LRIT1: variants seen among roughly 807,000 people sequenced by gnomAD.
The protein encoded by LRIT1 is leucine-rich repeat, immunoglobulin-like domain and transmembrane domain-containing protein 1.
In LRIT1, 23 loss-of-function variants were observed where a neutral mutation model predicts 24.0. The observed-to-expected ratio is 0.96, with a 90% confidence interval of 0.69 to 1.36. LRIT1 has a LOEUF of 1.36. Ranked by LOEUF, LRIT1 falls within the 40% of genes most tolerant of loss-of-function variation. LRIT1 has a pLI of 0.00. For missense variants in LRIT1, 846 were observed against 806.3 expected (o/e 1.05, Z -0.60); for synonymous variants, 361 against 340.5 (o/e 1.06, Z -0.66).
At chr10:84,237,872 G>C (rs1481322321) in intron 1 of LRIT1, among the ~76,000 whole-genome samples, 186 bp from the exon 2 acceptor site, 1 of 152,178 alleles carries the variant, frequency 6.6e-6, no homozygotes, top group Non-Finnish European at 1.5e-5. Flanking sequence ...CCTTTGCAGA[G>C]GTCTTGCTCT....
At position 84,237,283 on chromosome 10, in the gene LRIT1, C is replaced by G. The variant is rs149785594; in HGVS notation, c.526G>C (p.Val176Leu). The G allele has an allele frequency of 6.4e-7, 1 of 1,550,966 alleles. No homozygotes were observed. Residue 176 changes from valine to leucine, a missense_variant, in exon 2 of 4, where the codon GTC (valine) becomes CTC (leucine). By Grantham distance (32) the Val-to-Leu change is conservative (BLOSUM62 1). Coordinates refer to ENST00000372105, the MANE Select transcript of LRIT1 (RefSeq NM_015613.3). Reference protein sequence around the residue: ...QLMRLPQELIVSWAHLETGIF... With the variant: ...QLMRLPQELILSWAHLETGIF... Reference sequence around the variant, plus strand: ...CCGGTCTCCAGGTGAGCCCAGGAGACGATGAGCTCCTGCGGGAGCCTCATC... The same window carrying G: ...CCGGTCTCCAGGTGAGCCCAGGAGAGGATGAGCTCCTGCGGGAGCCTCATC...
In LRIT1 at chr10:84,232,820, T is replaced by C. The variant is rs1842615017; in HGVS notation, c.979A>G (p.Ile327Val). Residue 327 changes from isoleucine (I) to valine (V), a missense_variant, in exon 4 of 4, where the codon ATC (isoleucine) becomes GTC (valine). Coordinates refer to ENST00000372105, the MANE Select transcript of LRIT1 (RefSeq NM_015613.3). The part of the protein sequence containing the change: ...AVSHLDSGDY[I>V]CQAKNFLGAS... ...CCCAGGAAGTTCTTGGCTTGGCAGA[T>C]GTAGTCTCCGGAGTCAAGGTGGGAC... The C allele has an allele frequency of 1.2e-6, 2 of 1,613,424 alleles. No individual in the cohort carries two copies. The highest frequency in any genetic ancestry group is 1.7e-6 in the Non-Finnish European group (2 of 1,180,028).
chr10:84,237,640 T>G lies in LRIT1; in HGVS notation c.169A>C (p.Ile57Leu). Residue 57 changes from isoleucine (I) to leucine (L), a missense_variant, in exon 2 of 4, where the codon ATC becomes CTC. By Grantham distance (5) the Ile-to-Leu change is conservative. Coordinates refer to ENST00000372105, the MANE Select transcript of LRIT1 (RefSeq NM_015613.3). ...CGCAGTCTGGAGGTGTCCGGGGGGA[T>G]GGACGCCGGGGGCAGGGTCATGTCG... ...DPDMTLPPAS[I>L]PPDTSRLRLE... The G allele has an allele frequency of 6.2e-7, 1 of 1,605,706 alleles. No homozygotes were observed.
chr10:84,237,532 T>G lies in LRIT1; in HGVS notation c.277A>C (p.Asn93His). ...GRLEQLWLPY[N>H]ALSELNALML... ...AGGGCGTTGAGCTCGCTGAGGGCGT[T>G]GTAAGGCAGCCACAGCTGCTCCAGG... Residue 93 changes from asparagine (N) to histidine (H), a missense_variant, in exon 2 of 4, where the codon AAC (asparagine) becomes CAC (histidine). Asn to His is a moderately conservative substitution (Grantham distance 68, BLOSUM62 1). Coordinates refer to ENST00000372105, the MANE Select transcript of LRIT1 (RefSeq NM_015613.3). 2 of 1,605,264 alleles carry G rather than the reference T, an allele frequency of 1.2e-6. No homozygotes were observed. Among genetic ancestry groups the G allele is most frequent in the Non-Finnish European group, 1.7e-6 (2 of 1,179,462 alleles).
intron 3 of LRIT1, among the ~76,000 whole-genome samples, chr10:84,233,228 G>A (rs1373112208): frequency 2.0e-5 from 3 of 152,058 alleles, no homozygotes; most frequent in East Asian, 1.9e-4. Context: ...GGAGTGCAGC[G>A]GTGTGACCAT....
intron 2 of LRIT1, among the ~76,000 whole-genome samples, chr10:84,235,595 G>A (rs1842640845): frequency 2.3e-5 from 1 of 42,818 alleles, no homozygotes; most frequent in Non-Finnish European, 3.9e-5. Context: ...GTTCTCTGCT[G>A]TATTCCCAGC....
intron 3 of LRIT1, among the ~76,000 whole-genome samples, chr10:84,233,570 C>G (rs932552406): frequency 1.3e-5 from 2 of 152,144 alleles, no homozygotes; most frequent in African/African-American, 4.8e-5. Flanking sequence ...TTTAGCCTCT[C>G]AGAGCCTCAG....
rs750070213 is a variant in LRIT1 at position 84,237,511 on chromosome 10, C to T, written c.298G>A (p.Ala100Thr). The T allele has an allele frequency of 2.5e-5, 40 of 1,602,256 alleles. 1 individual carries two copies. Among genetic ancestry groups the T allele is most frequent in the Non-Finnish European group, 3.2e-5 (38 of 1,178,204 alleles). The change falls in exon 2 of 4, where the codon GCC (alanine) becomes ACC (threonine). Residue 100 changes from alanine to threonine, a missense_variant. Transcript: ENST00000372105. The stretch of plus-strand genomic sequence containing the variant: ...CGTCGCAGGCCCCGCAGCATGAGGG[C>T]GTTGAGCTCGCTGAGGGCGTTGTAA... Reference protein sequence around the residue: ...LPYNALSELNALMLRGLRRLR... With the variant: ...LPYNALSELNTLMLRGLRRLR...
rs750070213 is a variant in LRIT1 at position 84,237,511 on chromosome 10, C to G, written c.298G>C (p.Ala100Pro). 4 of 1,602,256 alleles carry G rather than the reference C, an allele frequency of 2.5e-6. No homozygotes were observed. In the South Asian group the frequency reaches 4.4e-5, roughly 18 times the overall value. The change falls in exon 2 of 4, where the codon GCC becomes CCC. Residue 100 changes from alanine (A) to proline (P), a missense_variant. Transcript: ENST00000372105. Reference sequence around the variant, plus strand: ...CGTCGCAGGCCCCGCAGCATGAGGGCGTTGAGCTCGCTGAGGGCGTTGTAA... The same window carrying G: ...CGTCGCAGGCCCCGCAGCATGAGGGGGTTGAGCTCGCTGAGGGCGTTGTAA... ...LPYNALSELN[A>P]LMLRGLRRLR...
intron 1 of LRIT1, among the ~76,000 whole-genome samples, chr10:84,238,186 T>C (rs1842668038): frequency 6.6e-6 from 1 of 151,986 alleles, no homozygotes; most frequent in East Asian, 1.9e-4. Flanking sequence ...AAACCTTGTC[T>C]CTACTAAAAA....
rs201838718 is a variant in LRIT1, at chr10:84,232,059, G to A, written c.1740C>T (p.Ser580=). The A allele has an allele frequency of 1.1e-4, 178 of 1,614,138 alleles. No individual in the cohort carries two copies. The highest frequency in any genetic ancestry group is 6.3e-4 in the Admixed American group (38 of 60,020). ...GGGACAGCTCCTCCAAGCCGTCCTCGCTGTAGCCCAGTCTCTCTAGGTTGA... is the reference window on the plus strand; with the variant it reads ...GGGACAGCTCCTCCAAGCCGTCCTCACTGTAGCCCAGTCTCTCTAGGTTGA... ...TYVNLERLGY[S]EDGLEELSRH... is the part of the protein sequence containing the mutation. Residue 580 remains serine (S), a synonymous_variant, in exon 4 of 4, where the codon AGC becomes AGT. Transcript: ENST00000372105.
Position 84,232,052 on chromosome 10 carries a change from C to T in LRIT1, c.1747G>A (p.Gly583Ser), listed in dbSNP as rs145262340. Residue 583 changes from glycine (G) to serine (S), a missense_variant, in exon 4 of 4, where the codon GGC becomes AGC. Coordinates refer to ENST00000372105, the MANE Select transcript of LRIT1 (RefSeq NM_015613.3). ...CTGTGCCGGGACAGCTCCTCCAAGCCGTCCTCGCTGTAGCCCAGTCTCTCT... is the reference window on the plus strand; with the variant it reads ...CTGTGCCGGGACAGCTCCTCCAAGCTGTCCTCGCTGTAGCCCAGTCTCTCT... Reference protein sequence around the residue: ...NLERLGYSEDGLEELSRHSVS... With the variant: ...NLERLGYSEDSLEELSRHSVS... 7.1e-5 allele frequency: 115 copies of T among 1,614,032 alleles called. 1 individual carries two copies. Among genetic ancestry groups the T allele is most frequent in the Admixed American group, 1.2e-4 (7 of 60,000 alleles).
intron 2 of LRIT1, among the ~76,000 whole-genome samples, chr10:84,235,811 A>C (rs1384106199): frequency 6.6e-6 from 1 of 151,776 alleles, no homozygotes; most frequent in East Asian, 2.0e-4. Flanking sequence ...GAGTTTCACC[A>C]TATTGGCCAG....
chr10:84,236,124 G>A lies in LRIT1; in HGVS notation c.589+1096C>T, dbSNP rs182813054. 3.3e-5 allele frequency among the ~76,000 whole-genome samples: 5 copies of A among 151,612 alleles called. No individual in the cohort carries two copies. The South Asian group carries it at 6.2e-4, about 19-fold the overall frequency. ...ATCCTGGCTAACATGGTGAAACCCC[G>A]TCTCTACTAAATATACAAAAAATTA... On this transcript the variant is annotated intron_variant, in intron 2 of 3. Transcript: ENST00000372105.
At position 84,232,631 on chromosome 10, in the gene LRIT1, C is replaced by T. The variant is rs772075587; in HGVS notation, c.1168G>A (p.Ala390Thr). 25 of 1,613,500 alleles carry T rather than the reference C, an allele frequency of 1.5e-5. No individual in the cohort carries two copies. The highest frequency in any genetic ancestry group is 5.3e-5 in the African/African-American group (4 of 74,910). Residue 390 changes from alanine (A) to threonine (T), a missense_variant, in exon 4 of 4, where the codon GCT (alanine) becomes ACT (threonine). Transcript: ENST00000372105. ...ACAGAGGGTCCAGTGGCCAGGACAG[C>T]GGGTTTGGGAATCTGGGGGACATGC... ...ARHVPQIPKP[A>T]VLATGPSVPS...
Position 84,232,225 on chromosome 10 carries a change from T to A in LRIT1, c.1574A>T (p.Gln525Leu). ...TNEVVDAENTQQLINVVVISV... is the reference protein window; with the variant it reads ...TNEVVDAENTLQLINVVVISV... ...GATCACCACCACATTGATAAGCTGC[T>A]GAGTGTTCTCAGCATCCACCACTTC... is the stretch of plus-strand genomic sequence containing the variant. Residue 525 changes from glutamine to leucine, a missense_variant, in exon 4 of 4, where the codon CAG (glutamine) becomes CTG (leucine). Transcript: ENST00000372105. 6.2e-7 allele frequency: 1 copy of A among 1,614,228 alleles called. No individual in the cohort carries two copies.
intron 2 of LRIT1, 60 bp downstream of exon 2, chr10:84,237,160 G>T: frequency 7.9e-7 from 1 of 1,266,054 alleles, no homozygotes; most frequent in Non-Finnish European, 1.1e-6. Context: ...CCAAATAATC[G>T]AAACTCAGGG....
At position 84,241,473 on chromosome 10, in the gene LRIT1, C is replaced by A; in HGVS notation, c.-34G>T. 1.3e-6 allele frequency: 2 copies of A among 1,501,052 alleles called. No individual in the cohort carries two copies. Among genetic ancestry groups the A allele is most frequent in the Non-Finnish European group, 1.8e-6 (2 of 1,130,268 alleles). 93.0% of individuals were successfully genotyped at this position (1,501,052 alleles called of 1,614,324 possible). On this transcript the variant is annotated 5_prime_UTR_variant, in exon 1 of 4. In the 5' UTR this introduces an upstream ATG that the reference lacks. Transcript: ENST00000372105. ...GCTCCTCTCTGGCCCAGGCAGGGGCCTGTCCCTGGACCGCTCCGTCCCACC... is the reference window on the plus strand; with the variant it reads ...GCTCCTCTCTGGCCCAGGCAGGGGCATGTCCCTGGACCGCTCCGTCCCACC...
intron 1 of LRIT1, 30 bp downstream of exon 1, chr10:84,241,288 G>A (rs373359368): frequency 1.0e-4 from 165 of 1,613,412 alleles, no homozygotes; most frequent in Non-Finnish European, 1.4e-4. Flanking sequence ...TGGAGGCTGG[G>A]CTGCCCGTCC....
Sources: allele counts gnomAD v4.1 joint callset (sites outside exome capture counted in the v4.1 genomes callset), GRCh38; gene constraint gnomAD v4.1.1; transcripts MANE v1.5; gene names NCBI Gene and HGNC (gene_info 2026-07-23, HGNC 2026-07-21).